HIVEP1: variants seen among roughly 807,000 people sequenced by gnomAD.
HIVEP1 encodes the protein zinc finger protein 40.
Under a neutral mutation model 180.0 loss-of-function variants are expected in HIVEP1, and 36 were observed. The ratio of observed to expected loss-of-function variants is 0.20; its 90% CI spans 0.15 to 0.26. HIVEP1 has a LOEUF of 0.26. Among genes scored for constraint, HIVEP1 ranks in the 10% least tolerant of loss-of-function variants. The pLI is 1.00. For synonymous variants in HIVEP1, 1,239 were observed against 1,239.0 expected, an observed-to-expected ratio of 1.00 and a Z score of 0.00; for missense variants, 3,143 against 3,268.7, an observed-to-expected ratio of 0.96 and a Z score of 0.94.
intron 2 of HIVEP1, among the ~76,000 whole-genome samples, chr6:12,016,923 T>C (rs1349232252): frequency 6.6e-6 from 1 of 152,172 alleles, no homozygotes; most frequent in African/African-American, 2.4e-5. Flanking sequence ...CTGCTTTATC[T>C]GTCCAGGGAG....
the HIVEP1 span, among the ~76,000 whole-genome samples, chr6:12,186,371 A>G: frequency 2.0e-5 from 3 of 151,870 alleles, no homozygotes; most frequent in African/African-American, 7.2e-5. Context: ...CAATGTCTAG[A>G]AAAGACAAAC....
At chr6:12,205,950 G>C in the HIVEP1 span, among the ~76,000 whole-genome samples, 1 of 152,030 alleles carries the variant, frequency 6.6e-6, no homozygotes, top group East Asian at 1.9e-4. Flanking sequence ...TAGTAACAGG[G>C]TGTATTATGG....
At chr6:12,099,127 G>A (rs1006781571) in intron 3 of HIVEP1, among the ~76,000 whole-genome samples, 4 of 151,962 alleles carry the variant, frequency 2.6e-5, no homozygotes, top group Non-Finnish European at 5.9e-5. Context: ...AGGAGCAGAC[G>A]CTTTGGGAGT....
chr6:12,171,338 C>A, the HIVEP1 span, among the ~76,000 whole-genome samples: 1 of 152,290 alleles, frequency 6.6e-6, no homozygotes, highest in East Asian at 1.9e-4. Context: ...CAGGCAGAGC[C>A]ACTACGCCCA....
At chr6:12,093,042 A>G (rs757718920) in intron 3 of HIVEP1, among the ~76,000 whole-genome samples, 7 of 152,096 alleles carry the variant, frequency 4.6e-5, no homozygotes, top group African/African-American at 1.7e-4. Flanking sequence ...AAAAGTAGCT[A>G]TTTTTTACAA....
At chr6:12,046,647 C>T (rs144708008) in intron 2 of HIVEP1, among the ~76,000 whole-genome samples, 2,679 of 151,848 alleles carry the variant, frequency 0.018, 42 homozygotes, top group African/African-American at 0.041. Flanking sequence ...GGCATGGTGG[C>T]GCGTGCCTGT....
intron 7 of HIVEP1, among the ~76,000 whole-genome samples, chr6:12,158,406 A>G (rs144971748): frequency 4.8e-4 from 73 of 152,296 alleles, no homozygotes; most frequent in African/African-American, 1.7e-3. Context: ...TCACAAGAAC[A>G]TCACCTGTTC....
chr6:12,147,948 A>T (rs554301142), intron 7 of HIVEP1, among the ~76,000 whole-genome samples: 1 of 152,280 alleles, frequency 6.6e-6, no homozygotes, highest in African/African-American at 2.4e-5. Context: ...CCTCTGGTAA[A>T]AGATGAGGCC....
intron 2 of HIVEP1, among the ~76,000 whole-genome samples, chr6:12,043,287 T>C (rs1561881750): frequency 2.0e-5 from 3 of 152,156 alleles, no homozygotes; most frequent in South Asian, 4.1e-4. Flanking sequence ...AGGCATTTTA[T>C]GTGATATTTA....
At chr6:12,055,759 C>G (rs558934065) in intron 2 of HIVEP1, among the ~76,000 whole-genome samples, 5 of 152,294 alleles carry the variant, frequency 3.3e-5, no homozygotes, top group Admixed American at 2.6e-4. Context: ...GAGATTTCAT[C>G]ACTATGATTA....
intron 2 of HIVEP1, among the ~76,000 whole-genome samples, chr6:12,017,958 G>A (rs910543127): frequency 6.6e-6 from 1 of 152,198 alleles, no homozygotes; most frequent in East Asian, 1.9e-4. Context: ...GGGACTGGGC[G>A]CCTAGGAACA....
chr6:12,032,082 G>C (rs1391389984), intron 2 of HIVEP1, among the ~76,000 whole-genome samples: 1 of 151,868 alleles, frequency 6.6e-6, no homozygotes, highest in Non-Finnish European at 1.5e-5. Context: ...TACTGTTGCA[G>C]GCATTCTGCA....
intron 2 of HIVEP1, among the ~76,000 whole-genome samples, chr6:12,074,766 A>T (rs1772241890): frequency 6.6e-6 from 1 of 151,958 alleles, no homozygotes; most frequent in Non-Finnish European, 1.5e-5. Flanking sequence ...CTTTTTTAAT[A>T]GAAAAAGTGA....
chr6:12,204,056 A>G, the HIVEP1 span, among the ~76,000 whole-genome samples: 1 of 151,880 alleles, frequency 6.6e-6, no homozygotes, highest in East Asian at 1.9e-4. Context: ...CAGCCTGGGC[A>G]ACAGAGTGAA....
In HIVEP1 at chr6:12,161,635, T is replaced by G; in HGVS notation, c.6684T>G (p.Thr2228=). Residue 2228 remains threonine, a synonymous_variant, in exon 8 of 9, where the codon ACT becomes ACG. Coordinates refer to ENST00000379388, the MANE Select transcript of HIVEP1 (RefSeq NM_002114.4). ...GTAGCCTTCAGGACCCTGTGAGTAC[T>G]GACGAGGATGTCAGGATCACCGATT... is the stretch of plus-strand genomic sequence containing the variant. ...SRSSLQDPVS[T]DEDVRITDCF... The G allele has an allele frequency of 6.2e-7, 1 of 1,614,138 alleles. No individual in the cohort carries two copies. The highest frequency in any genetic ancestry group is 2.2e-5 in the East Asian group (1 of 44,852).
chr6:12,176,377 G>A, the HIVEP1 span, among the ~76,000 whole-genome samples: 81 of 151,896 alleles, frequency 5.3e-4, 1 homozygote, highest in East Asian at 0.012. Flanking sequence ...GATTACAGGC[G>A]CCTGCCATCA....
At chr6:12,144,879 G>T (rs565676816) in intron 7 of HIVEP1, among the ~76,000 whole-genome samples, 1 of 152,346 alleles carries the variant, frequency 6.6e-6, no homozygotes, top group East Asian at 1.9e-4. Context: ...AACAGATGAT[G>T]GAGAGGATGT....
chr6:12,051,558 A>G (rs1248806759), intron 2 of HIVEP1, among the ~76,000 whole-genome samples: 1 of 152,042 alleles, frequency 6.6e-6, no homozygotes, highest in African/African-American at 2.4e-5. Context: ...TGTAAATACT[A>G]TATAATTAGT....
At chr6:12,140,830 A>G (rs1470526030) in intron 7 of HIVEP1, among the ~76,000 whole-genome samples, 1 of 152,232 alleles carries the variant, frequency 6.6e-6, no homozygotes, top group Admixed American at 6.5e-5. Flanking sequence ...AAAAGAGTAG[A>G]AAGAAACGAA....
Sources: allele counts gnomAD v4.1 joint callset (sites outside exome capture counted in the v4.1 genomes callset), GRCh38; gene constraint gnomAD v4.1.1; transcripts MANE v1.5; gene names NCBI Gene and HGNC (gene_info 2026-07-23, HGNC 2026-07-21).